The following FHIT variants were observed in gnomAD, a reference collection of about 807,000 sequenced individuals.
FHIT encodes the protein bis(5'-adenosyl)-triphosphatase.
Under a neutral mutation model 17.9 loss-of-function variants are expected in FHIT, and 19 were observed. The observed-to-expected ratio is 1.06, with a 90% CI of 0.74 to 1.56. The LOEUF (loss-of-function observed/expected upper bound fraction) is 1.56, where lower values mean the gene tolerates loss of function less well. Ranked by LOEUF, FHIT falls within the 40% of genes most tolerant of loss-of-function variation. FHIT has a pLI of 0.00. For synonymous variants in FHIT, 81 were observed against 69.7 expected (o/e 1.16, Z -0.81); for missense variants, 248 against 189.2 (o/e 1.31, Z -1.82).
intron 4 of FHIT, among the ~76,000 whole-genome samples, chr3:60,794,448 C>T (rs1700904577): frequency 6.8e-6 from 1 of 147,070 alleles, no homozygotes; most frequent in Admixed American, 6.8e-5. Context: ...AAAGATAAAA[C>T]AGTTTTCCAC....
At chr3:60,570,970 G>A (rs569963219) in intron 4 of FHIT, among the ~76,000 whole-genome samples, 2 of 152,112 alleles carry the variant, frequency 1.3e-5, no homozygotes, top group South Asian at 2.1e-4. Flanking sequence ...CATTGTAAGA[G>A]CAAAGCTTGG....
chr3:60,175,314 T>A (rs1028309217), intron 5 of FHIT, among the ~76,000 whole-genome samples: 4 of 152,152 alleles, frequency 2.6e-5, no homozygotes, highest in Non-Finnish European at 5.9e-5. Flanking sequence ...TGTGAGTGCC[T>A]ACAGAGGAAA....
chr3:59,874,230 G>A (rs1325238619), intron 8 of FHIT, among the ~76,000 whole-genome samples: 2 of 152,116 alleles, frequency 1.3e-5, no homozygotes, highest in Non-Finnish European at 2.9e-5. Context: ...CAAGTCCATC[G>A]ATCCAACTTC....
intron 5 of FHIT, among the ~76,000 whole-genome samples, chr3:60,177,456 TTAAAAA>T (rs1026294469): frequency 9.9e-5 from 15 of 152,204 alleles, no homozygotes; most frequent in African/African-American, 3.4e-4. Flanking sequence ...AAGTTTCCAA[TTAAAAA>T]TAAAAAACAA....
At chr3:59,987,214 A>G (rs1709023203) in intron 7 of FHIT, among the ~76,000 whole-genome samples, 2 of 149,148 alleles carry the variant, frequency 1.3e-5, no homozygotes, top group Admixed American at 6.8e-5. Context: ...ATATTTATTT[A>G]TTTATTTAGG....
intron 4 of FHIT, among the ~76,000 whole-genome samples, chr3:60,817,296 A>G (rs1701776221): frequency 6.6e-6 from 1 of 152,012 alleles, no homozygotes; most frequent in South Asian, 2.1e-4. Flanking sequence ...CTAGTCTTTT[A>G]TATTTACAAT....
intron 1 of FHIT, among the ~76,000 whole-genome samples, chr3:61,250,189 C>A (rs1204916978): frequency 6.6e-6 from 1 of 152,196 alleles, no homozygotes; most frequent in Non-Finnish European, 1.5e-5. Flanking sequence ...AGGTGGAGTA[C>A]CTGCCCGACG....
intron 2 of FHIT, among the ~76,000 whole-genome samples, chr3:61,119,725 A>C (rs923670973): frequency 1.3e-5 from 2 of 152,198 alleles, no homozygotes; most frequent in African/African-American, 2.4e-5. Flanking sequence ...ATAAAACAAA[A>C]GGCAGAGGAA....
chr3:60,466,477 G>A (rs1005209514), intron 5 of FHIT, among the ~76,000 whole-genome samples: 2 of 151,948 alleles, frequency 1.3e-5, no homozygotes, highest in Admixed American at 1.3e-4. Context: ...AAAACCTTCA[G>A]GTGTTTCCCC....
intron 5 of FHIT, among the ~76,000 whole-genome samples, chr3:60,168,947 G>A (rs1208602682): frequency 1.3e-5 from 2 of 152,122 alleles, no homozygotes; most frequent in African/African-American, 2.4e-5. Context: ...TTGACATATC[G>A]GGATGTGTGC....
At chr3:60,394,296 G>A (rs1322335027) in intron 5 of FHIT, among the ~76,000 whole-genome samples, 1 of 152,126 alleles carries the variant, frequency 6.6e-6, no homozygotes, top group African/African-American at 2.4e-5. Context: ...TTGAGAAACA[G>A]ATCAACCCAC....
At chr3:60,094,206 TA>T (rs1703846631) in intron 5 of FHIT, among the ~76,000 whole-genome samples, 1 of 152,352 alleles carries the variant, frequency 6.6e-6, no homozygotes, top group East Asian at 1.9e-4. Context: ...TACATTTTTT[TA>T]TATTTGACAA....
intron 5 of FHIT, among the ~76,000 whole-genome samples, chr3:60,032,538 C>A (rs184982492): frequency 0.011 from 1,633 of 152,094 alleles, 15 homozygotes; most frequent in Admixed American, 0.013. Context: ...GTGACTGAAC[C>A]AAAAAGGTTA....
At chr3:60,413,807 C>T (rs775066173) in intron 5 of FHIT, among the ~76,000 whole-genome samples, 5 of 152,172 alleles carry the variant, frequency 3.3e-5, no homozygotes, top group Non-Finnish European at 7.3e-5. Flanking sequence ...AACATAACCT[C>T]AGTCACTTCA....
intron 5 of FHIT, among the ~76,000 whole-genome samples, chr3:60,416,851 C>T (rs1037285561): frequency 6.6e-6 from 1 of 152,182 alleles, no homozygotes; most frequent in East Asian, 1.9e-4. Context: ...CTTTGGGAGG[C>T]CGAGGCGGGA....
chr3:60,098,128 G>C (rs74855281), intron 5 of FHIT, among the ~76,000 whole-genome samples: 3 of 138,082 alleles, frequency 2.2e-5, no homozygotes, highest in Admixed American at 7.6e-5. Flanking sequence ...TTGGACATTT[G>C]GGTTGGTTCC....
chr3:60,530,557 G>T (rs1435248950), intron 5 of FHIT, among the ~76,000 whole-genome samples: 1 of 152,186 alleles, frequency 6.6e-6, no homozygotes, highest in Non-Finnish European at 1.5e-5. Context: ...GAAGAGACTA[G>T]CAAGGAGGGC....
chr3:61,239,762 C>CTAT (rs1491095399), intron 1 of FHIT, among the ~76,000 whole-genome samples: 2 of 108,300 alleles, frequency 1.8e-5, no homozygotes, highest in Non-Finnish European at 3.4e-5. Flanking sequence ...AACAACTGGC[C>CTAT]ATATATATAT....
intron 5 of FHIT, among the ~76,000 whole-genome samples, chr3:60,337,645 G>A (rs1040524920): frequency 1.2e-4 from 19 of 152,242 alleles, no homozygotes; most frequent in African/African-American, 4.3e-4. Flanking sequence ...CAAGTTAGCC[G>A]TGCTGTCTCG....
Sources: allele counts gnomAD v4.1 joint callset (sites outside exome capture counted in the v4.1 genomes callset), GRCh38; gene constraint gnomAD v4.1.1; transcripts MANE v1.5; gene names NCBI Gene and HGNC (gene_info 2026-07-23, HGNC 2026-07-21).